LARGE1: variants seen among roughly 807,000 people sequenced by gnomAD.
LARGE1 encodes xylosyl- and glucuronyltransferase LARGE1.
Under a neutral mutation model 87.6 loss-of-function variants are expected in LARGE1, and 43 were observed. The ratio of observed to expected loss-of-function variants is 0.49; its 90% confidence interval spans 0.38 to 0.63. The LOEUF is 0.63. Ranked by LOEUF, LARGE1 falls within the 30% of genes least tolerant of loss-of-function variation. LARGE1 has a pLI of 0.00. For synonymous variants in LARGE1, 434 were observed against 394.6 expected (o/e 1.10, Z -1.18); for missense variants, 802 against 1,000.2 (o/e 0.80, Z 2.67).
intron 12 of LARGE1, among the ~76,000 whole-genome samples, chr22:33,294,121 C>T (rs554766939): frequency 7.9e-5 from 12 of 152,346 alleles, no homozygotes; most frequent in African/African-American, 2.9e-4. Flanking sequence ...ACTCCTCGGG[C>T]AGGGGTTGGG....
chr22:33,641,371 A>G (rs756411852), intron 3 of LARGE1, among the ~76,000 whole-genome samples: 1 of 152,058 alleles, frequency 6.6e-6, no homozygotes, highest in African/African-American at 2.4e-5. Flanking sequence ...ATGCCCACAA[A>G]AAAGGCCATC....
intron 6 of LARGE1, among the ~76,000 whole-genome samples, chr22:33,465,585 GA>G (rs2068573504): frequency 6.6e-6 from 1 of 152,176 alleles, no homozygotes; most frequent in African/African-American, 2.4e-5. Context: ...GCGTTCTGCA[GA>G]AAACCTCCAG....
At chr22:33,195,200 T>C (rs12484032) in intron 11 of LARGE1, among the ~76,000 whole-genome samples, 3,364 of 152,228 alleles carry the variant, frequency 0.022, 65 homozygotes, top group Admixed American at 0.048. Flanking sequence ...CTCTTAAATA[T>C]AATAACTATA....
intron 11 of LARGE1, among the ~76,000 whole-genome samples, chr22:33,313,256 C>T (rs1339974585): frequency 6.6e-6 from 1 of 152,172 alleles, no homozygotes; most frequent in African/African-American, 2.4e-5. Flanking sequence ...CCCTCCTTCT[C>T]TCCTTCTGTG....
chr22:33,379,437 G>T (rs1156525099), intron 9 of LARGE1, among the ~76,000 whole-genome samples: 1 of 151,506 alleles, frequency 6.6e-6, no homozygotes, highest in Non-Finnish European at 1.5e-5. Flanking sequence ...GACAGGCCCC[G>T]GTGTGTGATG....
rs565709172 is a variant in LARGE1, at chr22:33,479,145, T to TG, written c.788-46881dup. Among the ~76,000 whole-genome samples, 10 of 152,298 alleles carry TG rather than the reference T, an allele frequency of 6.6e-5. No homozygotes were observed. In the South Asian group the frequency reaches 1.9e-3, roughly 28 times the overall value. On this transcript the variant is annotated intron_variant, in intron 6 of 14. Coordinates refer to ENST00000397394, the MANE Select transcript of LARGE1 (RefSeq NM_133642.5). ...GGCCAAGAGAAAGGTGCTCTCCAACTGGGGGGCGAGGTCTCCCATGCACCC... is the reference window on the plus strand; with the variant it reads ...GGCCAAGAGAAAGGTGCTCTCCAACTGGGGGGGCGAGGTCTCCCATGCACCC...
intron 11 of LARGE1, among the ~76,000 whole-genome samples, chr22:33,242,524 G>T (rs528838932): frequency 1.3e-5 from 2 of 152,246 alleles, no homozygotes; most frequent in Non-Finnish European, 2.9e-5. Context: ...ATATGGACAC[G>T]ATCTCAGCAC....
chr22:33,697,122 C>T (rs765405692), intron 2 of LARGE1, among the ~76,000 whole-genome samples: 2 of 152,136 alleles, frequency 1.3e-5, no homozygotes, highest in Non-Finnish European at 2.9e-5. Flanking sequence ...AGAGGATGCC[C>T]TTGGGCCTGC....
intron 5 of LARGE1, among the ~76,000 whole-genome samples, chr22:33,593,721 T>A (rs147709886): frequency 3.2e-4 from 48 of 152,356 alleles, no homozygotes; most frequent in Admixed American, 8.5e-4. Flanking sequence ...AATATCTCAG[T>A]AATTCTCAAA....
intron 4 of LARGE1, among the ~76,000 whole-genome samples, chr22:33,617,279 C>T (rs970330110): frequency 2.0e-5 from 3 of 152,190 alleles, no homozygotes; most frequent in African/African-American, 7.2e-5. Context: ...GACTTCTGAG[C>T]CTTATTTCAC....
At chr22:33,550,174 CACATATAT>C (rs1447336837) in intron 6 of LARGE1, among the ~76,000 whole-genome samples, 1 of 128,138 alleles carries the variant, frequency 7.8e-6, no homozygotes, top group African/African-American at 2.6e-5. Flanking sequence ...CACACACACA[CACATATAT>C]ATATATGTAT....
At chr22:33,410,094 C>A (rs2066254481) in intron 7 of LARGE1, among the ~76,000 whole-genome samples, 2 of 152,076 alleles carry the variant, frequency 1.3e-5, no homozygotes, top group African/African-American at 4.8e-5. Flanking sequence ...TTACGAACTA[C>A]TGAAGGAAGA....
intron 6 of LARGE1, among the ~76,000 whole-genome samples, chr22:33,505,227 C>G (rs978125129): frequency 1.3e-5 from 2 of 152,234 alleles, no homozygotes; most frequent in Non-Finnish European, 2.9e-5. Context: ...GACAGGACCA[C>G]GATTAGTGGA....
At chr22:33,185,491 T>C (rs961320401) in intron 11 of LARGE1, among the ~76,000 whole-genome samples, 2 of 152,198 alleles carry the variant, frequency 1.3e-5, no homozygotes, top group Non-Finnish European at 2.9e-5. Flanking sequence ...CAACTCATTA[T>C]AAAGTCATAG....
intron 5 of LARGE1, among the ~76,000 whole-genome samples, chr22:33,571,788 C>T (rs890547203): frequency 3.9e-5 from 6 of 152,130 alleles, no homozygotes; most frequent in African/African-American, 9.7e-5. Flanking sequence ...TTCAGTCCCC[C>T]AGTCCTAGAT....
intron 7 of LARGE1, among the ~76,000 whole-genome samples, chr22:33,399,578 C>CT (rs1024118651): frequency 2.9e-4 from 44 of 151,396 alleles, no homozygotes; most frequent in African/African-American, 8.0e-4. Context: ...GAAACTTCTG[C>CT]TTTTTTTTTG....
At chr22:33,665,173 G>A (rs1200912857) in intron 2 of LARGE1, among the ~76,000 whole-genome samples, 1 of 152,112 alleles carries the variant, frequency 6.6e-6, no homozygotes, top group African/African-American at 2.4e-5. Flanking sequence ...CCCCATCTCT[G>A]CCCATCCTGA....
intron 2 of LARGE1, among the ~76,000 whole-genome samples, chr22:33,730,824 C>T (rs2083440942): frequency 6.6e-6 from 1 of 151,920 alleles, no homozygotes; most frequent in South Asian, 2.1e-4. Context: ...TCCCAAGTAG[C>T]TGGGATTACA....
chr22:33,446,254 T>G (rs2147869098), intron 6 of LARGE1, among the ~76,000 whole-genome samples: 1 of 152,324 alleles, frequency 6.6e-6, no homozygotes, highest in East Asian at 1.9e-4. Context: ...CCTGCCCCCA[T>G]AGCTCACATC....
Sources: allele counts gnomAD v4.1 joint callset (sites outside exome capture counted in the v4.1 genomes callset), GRCh38; gene constraint gnomAD v4.1.1; transcripts MANE v1.5; gene names NCBI Gene and HGNC (gene_info 2026-07-23, HGNC 2026-07-21).